Variants in ADAMTS9 observed in about 807,000 individuals in gnomAD.
The protein encoded by ADAMTS9 is A disintegrin and metalloproteinase with thrombospondin motifs 9.
Under a neutral mutation model 257.1 loss-of-function variants are expected in ADAMTS9, and 107 were observed. That is an observed-to-expected ratio of 0.42 (90% confidence interval 0.36 to 0.49). The LOEUF is 0.49. ADAMTS9 is among the 20% of genes least tolerant of loss of function. ADAMTS9 has a pLI of 0.03. For missense variants in ADAMTS9, 2,353 were observed against 2,469.1 expected, an observed-to-expected ratio of 0.95 and a Z score of 1.00; for synonymous variants, 982 against 880.9, an observed-to-expected ratio of 1.11 and a Z score of -2.03.
In ADAMTS9 at chr3:64,523,914, T is replaced by C. The variant is rs369590937; in HGVS notation, c.5719-1654A>G. On this transcript the variant is annotated intron_variant, in intron 38 of 39. Transcript: ENST00000498707. ...TCAATCACTGTAATTCAACACTTAA[T>C]GGCTCTGAATATTAGCTTTTGCTTC... Among the ~76,000 whole-genome samples the C allele has an allele frequency of 6.4e-4, 97 of 152,320 alleles. 3 individuals carry two copies. The South Asian group carries it at 0.019, about 30-fold the overall frequency.
Position 64,594,242 on chromosome 3 carries a change from A to G in ADAMTS9, c.4356+16T>C, listed in dbSNP as rs756793774. 1 of 1,602,752 alleles carries G rather than the reference A, an allele frequency of 6.2e-7. No individual in the cohort carries two copies. The highest frequency in any genetic ancestry group is 8.5e-7 in the Non-Finnish European group (1 of 1,172,764). ...TAGATAGTTTGGTTAACAAACATGA[A>G]TAGTTAGGGCCGTACCGAGCTCCAA... On this transcript the variant is annotated intron_variant, in intron 28 of 39. Transcript: ENST00000498707.
chr3:64,562,015 T>C (rs917524766), intron 29 of ADAMTS9, among the ~76,000 whole-genome samples: 3 of 152,128 alleles, frequency 2.0e-5, no homozygotes, highest in African/African-American at 7.2e-5. Flanking sequence ...TCTTAGAGGA[T>C]TGAAGAGGTT....
intron 28 of ADAMTS9, among the ~76,000 whole-genome samples, chr3:64,570,279 T>C (rs1461725926): frequency 6.6e-6 from 1 of 152,132 alleles, no homozygotes; most frequent in Non-Finnish European, 1.5e-5. Flanking sequence ...CTGACATTAA[T>C]TAAGTGATGA....
intron 27 of ADAMTS9, among the ~76,000 whole-genome samples, chr3:64,595,804 C>T (rs367728592): frequency 6.6e-6 from 1 of 152,116 alleles, no homozygotes; most frequent in Non-Finnish European, 1.5e-5. Flanking sequence ...TTTTTCCCCC[C>T]CTTGGCACTG....
At chr3:64,576,799 A>C (rs1385255365) in intron 28 of ADAMTS9, among the ~76,000 whole-genome samples, 1 of 152,184 alleles carries the variant, frequency 6.6e-6, no homozygotes, top group Non-Finnish European at 1.5e-5. Context: ...ACCAAGATTC[A>C]CATGTCAACT....
intron 9 of ADAMTS9, 38 bp from the exon 10 acceptor site, chr3:64,649,816 G>A (rs978911646): frequency 2.0e-5 from 31 of 1,586,430 alleles, no homozygotes; most frequent in Admixed American, 7.0e-5. Context: ...TGGTGAGAAC[G>A]GTGGCTGTCA....
chr3:64,633,324 G>A (rs1700414508), intron 14 of ADAMTS9, 148 bp downstream of exon 14: 3 of 1,188,240 alleles, frequency 2.5e-6, no homozygotes, highest in Non-Finnish European at 3.5e-6. Flanking sequence ...TGATATTGAT[G>A]CTGTTGCTGA....
chr3:64,542,801 C>T (rs1298097507), intron 32 of ADAMTS9, among the ~76,000 whole-genome samples: 1 of 151,954 alleles, frequency 6.6e-6, no homozygotes, highest in African/African-American at 2.4e-5. Context: ...CACAAAAAGC[C>T]CTTCAAAAAA....
chr3:64,661,893 GTC>G (rs1219121927), intron 3 of ADAMTS9, among the ~76,000 whole-genome samples: 2 of 151,950 alleles, frequency 1.3e-5, no homozygotes, highest in African/African-American at 4.8e-5. Flanking sequence ...AAGATTTAAA[GTC>G]TCTATTAGTT....
At chr3:64,600,496 T>C (rs1412169023) in intron 26 of ADAMTS9, among the ~76,000 whole-genome samples, 1 of 152,266 alleles carries the variant, frequency 6.6e-6, no homozygotes, top group African/African-American at 2.4e-5. Flanking sequence ...AAGGAATGCA[T>C]CATCCCCAAA....
At chr3:64,665,155 C>A (rs1701323347) in intron 3 of ADAMTS9, among the ~76,000 whole-genome samples, 1 of 152,194 alleles carries the variant, frequency 6.6e-6, no homozygotes, top group Non-Finnish European at 1.5e-5. Context: ...TAACTGGCAA[C>A]TGTATGTTTC....
chr3:64,599,104 T>C (rs57339678), intron 26 of ADAMTS9, among the ~76,000 whole-genome samples: 15,006 of 152,138 alleles, frequency 0.099, 958 homozygotes, highest in East Asian at 0.2. Flanking sequence ...GTGCTGGTGA[T>C]AGCTCTCAGC....
intron 16 of ADAMTS9, 131 bp from the exon 17 acceptor site, chr3:64,622,717 G>T (rs1576128477): frequency 1.1e-6 from 1 of 935,368 alleles, no homozygotes; most frequent in African/African-American, 1.7e-5. Context: ...GACAGGCATG[G>T]CTTCAAGTCC....
At chr3:64,608,205 C>T (rs1407084382) in intron 22 of ADAMTS9, among the ~76,000 whole-genome samples, 1 of 138,686 alleles carries the variant, frequency 7.2e-6, no homozygotes, top group Non-Finnish European at 1.5e-5. Flanking sequence ...ATCTCAAATC[C>T]ACAACCTAAC....
chr3:64,655,507 G>A lies in ADAMTS9; in HGVS notation c.1169+69C>T, dbSNP rs1258490207. ...CCCTCCACTAGCAGCTGACTATTAG[G>A]AATGCATGACCACATCCCATCAACT... On this transcript the variant is annotated intron_variant, in intron 6 of 39. Coordinates refer to ENST00000498707, the MANE Select transcript of ADAMTS9 (RefSeq NM_182920.2). 2.3e-6 allele frequency: 3 copies of A among 1,286,254 alleles called. No homozygotes were observed. The East Asian group carries it at 6.9e-5, about 30-fold the overall frequency. 79.7% of individuals were successfully genotyped at this position (1,286,254 alleles called of 1,614,324 possible).
At chr3:64,528,001 CT>C (rs2082930786) in intron 38 of ADAMTS9, among the ~76,000 whole-genome samples, 1 of 152,152 alleles carries the variant, frequency 6.6e-6, no homozygotes, top group African/African-American at 2.4e-5. Flanking sequence ...GGTAACACAA[CT>C]TTCGTTATTT....
chr3:64,662,206 T>A (rs563220368), intron 3 of ADAMTS9, among the ~76,000 whole-genome samples: 21 of 152,274 alleles, frequency 1.4e-4, no homozygotes, highest in African/African-American at 5.1e-4. Context: ...TTCCACATAC[T>A]TTTGAGCTTC....
intron 22 of ADAMTS9, 89 bp downstream of exon 22, chr3:64,613,256 A>T: frequency 6.6e-7 from 1 of 1,505,490 alleles, no homozygotes; most frequent in South Asian, 1.3e-5. Context: ...ACAGCGGTTA[A>T]ATCTCCACCA....
intron 16 of ADAMTS9, among the ~76,000 whole-genome samples, chr3:64,624,166 T>C (rs1473018944): frequency 1.3e-5 from 2 of 151,706 alleles, no homozygotes; most frequent in Non-Finnish European, 2.9e-5. Context: ...TGACTATAGT[T>C]AACTTTAGTG....
Sources: allele counts gnomAD v4.1 joint callset (sites outside exome capture counted in the v4.1 genomes callset), GRCh38; gene constraint gnomAD v4.1.1; transcripts MANE v1.5; gene names NCBI Gene and HGNC (gene_info 2026-07-23, HGNC 2026-07-21).